RBFOX3: variants seen among roughly 807,000 people sequenced by gnomAD.
The protein encoded by RBFOX3 is RNA binding fox-1 homolog 3.
RBFOX3 carries 17 observed loss-of-function variants against 48.7 expected under a neutral mutation model. The observed-to-expected ratio is 0.35, with a 90% CI of 0.24 to 0.52. The LOEUF (loss-of-function observed/expected upper bound fraction) is 0.52. Among genes scored for constraint, RBFOX3 ranks in the 20% least tolerant of loss-of-function variants. The pLI, the probability that RBFOX3 is intolerant of heterozygous loss-of-function variation, is 0.94. For synonymous variants in RBFOX3, 212 were observed against 209.5 expected, an observed-to-expected ratio of 1.01 and a Z score of -0.10; for missense variants, 382 against 497.5, an observed-to-expected ratio of 0.77 and a Z score of 2.21.
the RBFOX3 span, among the ~76,000 whole-genome samples, chr17:79,650,568 C>T: frequency 2.6e-5 from 4 of 152,042 alleles, no homozygotes; most frequent in African/African-American, 9.7e-5. Context: ...CTCAGGGATG[C>T]CAGGCTCACA....
At chr17:79,411,717 G>C (rs1019176152) in intron 2 of RBFOX3, among the ~76,000 whole-genome samples, 2 of 152,218 alleles carry the variant, frequency 1.3e-5, no homozygotes, top group Admixed American at 1.3e-4. Flanking sequence ...TTCATGCTGT[G>C]ATCCATGCAT....
chr17:79,508,348 G>C (rs1027610270), intron 1 of RBFOX3, among the ~76,000 whole-genome samples: 1 of 152,322 alleles, frequency 6.6e-6, no homozygotes, highest in East Asian at 1.9e-4. Context: ...CTCCCTGGAG[G>C]TTTGCCAACA....
At chr17:79,401,220 G>A (rs1337184991) in intron 2 of RBFOX3, among the ~76,000 whole-genome samples, 1 of 152,228 alleles carries the variant, frequency 6.6e-6, no homozygotes, top group African/African-American at 2.4e-5. Context: ...TCCGCGGTCA[G>A]GTTCCACTCA....
At chr17:79,152,252 G>A (rs940199226) in intron 4 of RBFOX3, among the ~76,000 whole-genome samples, 1 of 152,106 alleles carries the variant, frequency 6.6e-6, no homozygotes, top group Non-Finnish European at 1.5e-5. Flanking sequence ...AGCACCTGGG[G>A]CCTGGCCACC....
chr17:79,407,300 GC>G (rs1393586195), intron 2 of RBFOX3, among the ~76,000 whole-genome samples: 1 of 152,222 alleles, frequency 6.6e-6, no homozygotes, highest in Non-Finnish European at 1.5e-5. Flanking sequence ...GAGCCACCTT[GC>G]CTGCCCTGTT....
At chr17:79,333,896 G>T (rs1440630179) in intron 2 of RBFOX3, among the ~76,000 whole-genome samples, 1 of 151,922 alleles carries the variant, frequency 6.6e-6, no homozygotes, top group Non-Finnish European at 1.5e-5. Context: ...TCTCCCAGAT[G>T]CCGAGGTGTC....
chr17:79,628,336 T>A, the RBFOX3 span, among the ~76,000 whole-genome samples: 2 of 152,080 alleles, frequency 1.3e-5, no homozygotes, highest in Non-Finnish European at 2.9e-5. Flanking sequence ...AACCTGATCG[T>A]TTCCCCCTCG....
the RBFOX3 span, among the ~76,000 whole-genome samples, chr17:79,641,840 C>G: frequency 2.6e-4 from 39 of 152,242 alleles, 1 homozygote; most frequent in East Asian, 4.6e-3. Flanking sequence ...CTCATGAGAC[C>G]TGGTTGTTTA....
intron 8 of RBFOX3, among the ~76,000 whole-genome samples, chr17:79,102,450 G>A (rs189755432): frequency 1.7e-3 from 266 of 152,310 alleles, no homozygotes; most frequent in Non-Finnish European, 3.0e-3. Context: ...CTCTGTCATG[G>A]TGGCTGGCCC....
the RBFOX3 span, among the ~76,000 whole-genome samples, chr17:79,652,235 T>C: frequency 2.6e-5 from 4 of 152,234 alleles, no homozygotes; most frequent in Admixed American, 6.5e-5. Context: ...TCCATTAATA[T>C]TGTCACAGAG....
At chr17:79,287,937 G>A (rs888330103) in intron 3 of RBFOX3, among the ~76,000 whole-genome samples, 2 of 152,182 alleles carry the variant, frequency 1.3e-5, no homozygotes, top group Non-Finnish European at 2.9e-5. Context: ...GCTGTGCATG[G>A]GACGCGCTCT....
At chr17:79,297,556 A>G (rs563210978) in intron 3 of RBFOX3, among the ~76,000 whole-genome samples, 100 of 152,362 alleles carry the variant, frequency 6.6e-4, no homozygotes, top group Non-Finnish European at 9.8e-4. Flanking sequence ...AAAGAAGCAA[A>G]GCTGATGTAG....
intron 4 of RBFOX3, among the ~76,000 whole-genome samples, chr17:79,174,707 CAG>C (rs1183777496): frequency 1.3e-5 from 2 of 152,008 alleles, no homozygotes; most frequent in Non-Finnish European, 2.9e-5. Flanking sequence ...TGCACACACA[CAG>C]ACACATGCAC....
chr17:79,225,069 C>G (rs74001695), intron 4 of RBFOX3, among the ~76,000 whole-genome samples: 14,604 of 152,180 alleles, frequency 0.096, 1,015 homozygotes, highest in African/African-American at 0.2. Context: ...AGTCAGTGCC[C>G]TTTGACCATT....
intron 2 of RBFOX3, among the ~76,000 whole-genome samples, chr17:79,441,800 C>G (rs1377164305): frequency 6.6e-6 from 1 of 152,136 alleles, no homozygotes; most frequent in African/African-American, 2.4e-5. Flanking sequence ...ACACTCGTGG[C>G]CCACAGGCCT....
chr17:79,615,761 A>T (rs2093991376), upstream of RBFOX3, among the ~76,000 whole-genome samples: 1 of 152,180 alleles, frequency 6.6e-6, no homozygotes, highest in East Asian at 1.9e-4. Flanking sequence ...GAACAAAGAA[A>T]CAGAAAACAC....
chr17:79,369,418 C>T (rs1312360178), intron 2 of RBFOX3, among the ~76,000 whole-genome samples: 1 of 152,072 alleles, frequency 6.6e-6, no homozygotes, highest in Non-Finnish European at 1.5e-5. Context: ...AAAGGACACG[C>T]GTTTCGGAGG....
intron 2 of RBFOX3, among the ~76,000 whole-genome samples, chr17:79,386,973 G>A (rs1436219777): frequency 6.6e-6 from 1 of 152,240 alleles, no homozygotes; most frequent in Non-Finnish European, 1.5e-5. Context: ...ATACCTGGAA[G>A]GCAGAAACTC....
intron 4 of RBFOX3, among the ~76,000 whole-genome samples, chr17:79,155,510 A>G (rs1448603802): frequency 2.0e-5 from 3 of 152,178 alleles, no homozygotes; most frequent in Non-Finnish European, 4.4e-5. Flanking sequence ...CATTCAGCCG[A>G]CTTCATGTAT....
Sources: allele counts gnomAD v4.1 joint callset (sites outside exome capture counted in the v4.1 genomes callset), GRCh38; gene constraint gnomAD v4.1.1; transcripts MANE v1.5; gene names NCBI Gene and HGNC (gene_info 2026-07-23, HGNC 2026-07-21).